CALN1: variants seen among roughly 807,000 people sequenced by gnomAD.
The protein encoded by CALN1 is calcium-binding protein 8.
In CALN1, 17 loss-of-function variants were observed where a neutral mutation model predicts 30.6. That is an observed-to-expected ratio of 0.56 (90% CI 0.38 to 0.83). The LOEUF (loss-of-function observed/expected upper bound fraction) is 0.83. Among genes scored for constraint, CALN1 ranks in the 40% least tolerant of loss-of-function variants. The probability of loss-of-function intolerance (pLI) is 0.00; values close to 1 mark genes in which losing one functional copy is unlikely to be tolerated. For synonymous variants in CALN1, 156 were observed against 131.4 expected, an observed-to-expected ratio of 1.19 and a Z score of -1.28; for missense variants, 291 against 354.9, an observed-to-expected ratio of 0.82 and a Z score of 1.45.
chr7:72,260,844 AG>A (rs1796220830), intron 3 of CALN1, among the ~76,000 whole-genome samples: 2 of 152,172 alleles, frequency 1.3e-5, no homozygotes, highest in South Asian at 4.1e-4. Context: ...CAAATTGCAC[AG>A]GGGTACCAGA....
chr7:71,880,586 C>T (rs370776032), intron 5 of CALN1, among the ~76,000 whole-genome samples: 5 of 152,086 alleles, frequency 3.3e-5, no homozygotes, highest in East Asian at 3.9e-4. Flanking sequence ...ATCTCTCCCC[C>T]GAATTCTAGA....
At chr7:71,952,208 A>G (rs1168194955) in intron 5 of CALN1, among the ~76,000 whole-genome samples, 1 of 152,216 alleles carries the variant, frequency 6.6e-6, no homozygotes, top group Non-Finnish European at 1.5e-5. Flanking sequence ...AATTGAAGAT[A>G]CCACAGGTCA....
At position 72,368,303 on chromosome 7, in the gene CALN1, G is replaced by A. The variant is rs544312930; in HGVS notation, c.119+34948C>T. Among the ~76,000 whole-genome samples, 14 of 150,892 alleles carry A rather than the reference G, an allele frequency of 9.3e-5. 1 individual carries two copies. The South Asian group carries it at 3.0e-3, about 32-fold the overall frequency. ...GGTAACGTAGATATATTCAGTTTGT[G>A]GAAAGCTGTACACTTGTGATTTGTG... On this transcript the variant is annotated intron_variant, in intron 2 of 6. Transcript: ENST00000395275.
At chr7:72,040,409 TG>T (rs200194352) in intron 4 of CALN1, among the ~76,000 whole-genome samples, 2,667 of 152,214 alleles carry the variant, frequency 0.018, 37 homozygotes, top group Non-Finnish European at 0.027. Flanking sequence ...CGCTTGATCC[TG>T]GGAAGTTGTG....
intron 1 of CALN1, among the ~76,000 whole-genome samples, chr7:72,411,803 GTAATA>G (rs1807173065): frequency 7.0e-6 from 1 of 143,440 alleles, no homozygotes; most frequent in African/African-American, 2.9e-5. Context: ...CTCTTTTAAA[GTAATA>G]AGAAAAGAAC....
intron 3 of CALN1, among the ~76,000 whole-genome samples, chr7:72,258,186 G>A (rs564043897): frequency 6.6e-6 from 1 of 152,152 alleles, no homozygotes. Flanking sequence ...CCCAAGTTCA[G>A]TGTGATTTCA....
intron 3 of CALN1, among the ~76,000 whole-genome samples, chr7:72,108,485 G>A (rs1807331964): frequency 6.6e-6 from 1 of 152,130 alleles, no homozygotes; most frequent in Admixed American, 6.5e-5. Flanking sequence ...ATCCTTCAAG[G>A]TCAAGTGTGG....
Position 71,964,352 on chromosome 7 carries a change from G to A in CALN1, c.501+59305C>T, listed in dbSNP as rs566124595. Reference sequence around the variant, plus strand: ...TTTACAGCTCCTGAAGCCTTGGTGGGCGTCTGTTACAGTGTGCTCTTTCAG... The same window carrying A: ...TTTACAGCTCCTGAAGCCTTGGTGGACGTCTGTTACAGTGTGCTCTTTCAG... On this transcript the variant is annotated intron_variant, in intron 5 of 6. Coordinates refer to ENST00000395275, the MANE Select transcript of CALN1 (RefSeq NM_031468.4). 9.9e-5 allele frequency among the ~76,000 whole-genome samples: 15 copies of A among 152,278 alleles called. No individual in the cohort carries two copies. In the East Asian group the frequency reaches 2.9e-3, roughly 29 times the overall value.
intron 4 of CALN1, among the ~76,000 whole-genome samples, chr7:72,072,839 T>C (rs557276466): frequency 9.0e-4 from 137 of 152,328 alleles, no homozygotes; most frequent in African/African-American, 3.1e-3. Flanking sequence ...CAAATTAGAA[T>C]GTATAACTTT....
chr7:72,462,979 G>A, the CALN1 span, among the ~76,000 whole-genome samples: 2 of 152,158 alleles, frequency 1.3e-5, no homozygotes, highest in Non-Finnish European at 2.9e-5. Flanking sequence ...ACAATCATGC[G>A]TACTGTTCAG....
intron 3 of CALN1, among the ~76,000 whole-genome samples, chr7:72,132,304 A>C (rs1168913404): frequency 6.6e-6 from 1 of 152,168 alleles, no homozygotes; most frequent in Admixed American, 6.5e-5. Context: ...ACATAAGGCC[A>C]ATTTTATAAT....
At chr7:71,826,030 C>G (rs1451161953) in intron 5 of CALN1, among the ~76,000 whole-genome samples, 1 of 51,028 alleles carries the variant, frequency 2.0e-5, no homozygotes, top group Non-Finnish European at 3.0e-5. Flanking sequence ...GAGACTCTGT[C>G]TCAAAAAAAA....
chr7:71,904,275 A>C (rs1409934981), intron 5 of CALN1, among the ~76,000 whole-genome samples: 3 of 152,206 alleles, frequency 2.0e-5, no homozygotes, highest in African/African-American at 7.2e-5. Flanking sequence ...AGTATTCACA[A>C]TTGCCAAAAT....
chr7:72,345,991 CAT>C (rs1252053554), intron 2 of CALN1, among the ~76,000 whole-genome samples: 1 of 152,038 alleles, frequency 6.6e-6, no homozygotes, highest in Non-Finnish European at 1.5e-5. Context: ...GAAAATCAAA[CAT>C]AGGAAATTCA....
chr7:72,500,876 T>G, the CALN1 span, among the ~76,000 whole-genome samples: 1 of 152,082 alleles, frequency 6.6e-6, no homozygotes, highest in African/African-American at 2.4e-5. Flanking sequence ...TGCAAAATAA[T>G]TATATGAATA....
At chr7:71,827,140 G>C (rs1788962053) in intron 5 of CALN1, among the ~76,000 whole-genome samples, 1 of 152,182 alleles carries the variant, frequency 6.6e-6, no homozygotes, top group African/African-American at 2.4e-5. Flanking sequence ...GGTGAGAGGA[G>C]GCTGCATTTC....
chr7:72,151,333 A>G (rs571008015), intron 3 of CALN1, among the ~76,000 whole-genome samples: 76 of 152,000 alleles, frequency 5.0e-4, no homozygotes, highest in South Asian at 3.3e-3. Flanking sequence ...CAATCTTCTA[A>G]TGTTCTTCCT....
intron 2 of CALN1, among the ~76,000 whole-genome samples, chr7:72,379,698 A>T (rs1434369804): frequency 6.6e-6 from 1 of 152,262 alleles, no homozygotes; most frequent in Non-Finnish European, 1.5e-5. Flanking sequence ...ACACTGCTTG[A>T]AAGCATTCCT....
Position 72,222,652 on chromosome 7 carries a change from T to C in CALN1, c.244+56034A>G, listed in dbSNP as rs1793391399. 2.0e-5 allele frequency among the ~76,000 whole-genome samples: 3 copies of C among 152,144 alleles called. No homozygotes were observed. In the South Asian group the frequency reaches 6.2e-4, roughly 31 times the overall value. On this transcript the variant is annotated intron_variant, in intron 3 of 6. Coordinates refer to ENST00000395275, the MANE Select transcript of CALN1 (RefSeq NM_031468.4). ...GTGCCTCATTTGGAGGAGTCAGTGC[T>C]GGTTTTTCACCCACCTCTCAGGATC...
Sources: allele counts gnomAD v4.1 joint callset (sites outside exome capture counted in the v4.1 genomes callset), GRCh38; gene constraint gnomAD v4.1.1; transcripts MANE v1.5; gene names NCBI Gene and HGNC (gene_info 2026-07-23, HGNC 2026-07-21).